SPECC1: variants seen among roughly 807,000 people sequenced by gnomAD.
SPECC1 encodes sperm antigen with calponin homology and coiled-coil domains 1.
In SPECC1, 62 loss-of-function variants were observed where a neutral mutation model predicts 104.1. That is an observed-to-expected ratio of 0.60 (90% confidence interval 0.49 to 0.74). SPECC1 has a LOEUF of 0.74. Among genes scored for constraint, SPECC1 ranks in the 30% least tolerant of loss-of-function variants. SPECC1 has a pLI of 0.00. For synonymous variants in SPECC1, 513 were observed against 501.6 expected (o/e 1.02, Z -0.30); for missense variants, 1,306 against 1,310.5 (o/e 1.00, Z 0.05).
At chr17:20,283,696 C>T (rs930879034) in intron 12 of SPECC1, among the ~76,000 whole-genome samples, 2 of 152,120 alleles carry the variant, frequency 1.3e-5, no homozygotes, top group Non-Finnish European at 2.9e-5. Context: ...AAGCAGTCCT[C>T]CCACCTCAGC....
intron 13 of SPECC1, among the ~76,000 whole-genome samples, chr17:20,299,290 A>G (rs1421054461): frequency 6.6e-6 from 1 of 152,070 alleles, no homozygotes; most frequent in African/African-American, 2.4e-5. Flanking sequence ...GTGGGGGCTC[A>G]TACTTGTAAT....
chr17:20,167,176 TGTA>T (rs2033725021), intron 3 of SPECC1, among the ~76,000 whole-genome samples: 1 of 147,902 alleles, frequency 6.8e-6, no homozygotes, highest in African/African-American at 2.5e-5. Flanking sequence ...ATATAGTGTA[TGTA>T]ATATGTTAGC....
intron 1 of SPECC1, among the ~76,000 whole-genome samples, chr17:20,042,974 T>C (rs72843506): frequency 1.3e-5 from 2 of 152,242 alleles, no homozygotes; most frequent in African/African-American, 4.8e-5. Flanking sequence ...GTATGTCTGC[T>C]CTGTCCCTGG....
Position 20,314,380 on chromosome 17 carries a change from G to A in SPECC1, c.*315G>A. 2.8e-6 allele frequency: 1 copy of A among 356,266 alleles called. No homozygotes were observed. The highest frequency in any genetic ancestry group is 7.9e-4 in the Middle Eastern group (1 of 1,258). The allele number at this position is 356,266 out of a possible 1,614,324, so 22.1% of individuals were successfully genotyped here. Reference sequence around the variant, plus strand: ...CTTGTTTTGCTGATTATATTGGGTGGCTGAACGAACACATTATCTGCAGAA... The same window carrying A: ...CTTGTTTTGCTGATTATATTGGGTGACTGAACGAACACATTATCTGCAGAA... On this transcript the variant is annotated 3_prime_UTR_variant, in exon 15 of 15. Coordinates refer to ENST00000395527, the MANE Select transcript of SPECC1 (RefSeq NM_001243439.2).
chr17:20,194,505 T>TTTTTTA (rs2035890410), intron 3 of SPECC1, among the ~76,000 whole-genome samples: 1 of 48,012 alleles, frequency 2.1e-5, no homozygotes, highest in Non-Finnish European at 4.2e-5. Flanking sequence ...AGAACGAATT[T>TTTTTTA]TTTTTTTTTT....
At chr17:20,042,466 T>A (rs1486448928) in intron 1 of SPECC1, among the ~76,000 whole-genome samples, 1 of 152,184 alleles carries the variant, frequency 6.6e-6, no homozygotes, top group Non-Finnish European at 1.5e-5. Flanking sequence ...TCATCACTCC[T>A]GGGTGGGAGT....
intron 1 of SPECC1, among the ~76,000 whole-genome samples, chr17:20,072,898 T>G (rs2046613050): frequency 6.6e-6 from 1 of 152,178 alleles, no homozygotes; most frequent in East Asian, 1.9e-4. Context: ...TTCACAACAT[T>G]TCTTCGGTGT....
intron 3 of SPECC1, among the ~76,000 whole-genome samples, chr17:20,166,439 G>A (rs1418307228): frequency 6.6e-6 from 1 of 152,104 alleles, no homozygotes; most frequent in African/African-American, 2.4e-5. Context: ...AATAATGAAA[G>A]TTGACATTTT....
At chr17:20,311,109 T>G (rs1028455545) in intron 14 of SPECC1, among the ~76,000 whole-genome samples, 12 of 151,808 alleles carry the variant, frequency 7.9e-5, no homozygotes, top group African/African-American at 1.9e-4. Flanking sequence ...GGGTTTTTTT[T>G]TTTTTTTTTT....
intron 3 of SPECC1, among the ~76,000 whole-genome samples, chr17:20,136,680 A>G (rs997405909): frequency 1.3e-5 from 2 of 152,178 alleles, no homozygotes. Context: ...ACCTTTCTGT[A>G]TGCAAATAGT....
chr17:20,312,176 T>A (rs1294861931), intron 14 of SPECC1, among the ~76,000 whole-genome samples: 11 of 152,232 alleles, frequency 7.2e-5, no homozygotes, highest in Non-Finnish European at 1.6e-4. Flanking sequence ...AGAGATTGTG[T>A]AGAATTGGTA....
chr17:20,297,449 C>T (rs2041391974), intron 13 of SPECC1, among the ~76,000 whole-genome samples: 1 of 152,192 alleles, frequency 6.6e-6, no homozygotes, highest in African/African-American at 2.4e-5. Context: ...TTCAAGAAGT[C>T]CTACATTAAG....
intron 3 of SPECC1, among the ~76,000 whole-genome samples, chr17:20,138,521 C>T (rs533087406): frequency 9.9e-5 from 15 of 152,128 alleles, no homozygotes; most frequent in Non-Finnish European, 2.2e-4. Flanking sequence ...GTGCTCTGCC[C>T]GTTCATCCCT....
chr17:20,024,780 T>C (rs2044535783), intron 1 of SPECC1, among the ~76,000 whole-genome samples: 1 of 152,088 alleles, frequency 6.6e-6, no homozygotes. Flanking sequence ...TAATAGCCCC[T>C]CCTTTATCCT....
chr17:20,071,584 C>T (rs915593397), intron 1 of SPECC1, among the ~76,000 whole-genome samples: 10 of 152,030 alleles, frequency 6.6e-5, no homozygotes, highest in Non-Finnish European at 1.2e-4. Context: ...AATGAATATC[C>T]GTTGGGAGAG....
intron 12 of SPECC1, among the ~76,000 whole-genome samples, chr17:20,267,349 A>T (rs1048593849): frequency 3.9e-5 from 6 of 152,156 alleles, no homozygotes; most frequent in Admixed American, 3.9e-4. Context: ...TTAAGCTCCT[A>T]GTTTTCTGTT....
Position 20,260,259 on chromosome 17 carries a change from C to T in SPECC1, c.2905C>T (p.Leu969=). The T allele has an allele frequency of 6.2e-7, 1 of 1,614,078 alleles. No homozygotes were observed. Among genetic ancestry groups the T allele is most frequent in the Non-Finnish European group, 8.5e-7 (1 of 1,179,946 alleles). The change falls in exon 12 of 15, where the codon CTG becomes TTG. Residue 969 remains leucine (L), a synonymous_variant. Transcript: ENST00000395527. ...EYGGSKRNAL[L]KWCQKKTQGY... ...CGGTGGTTCCAAGCGCAATGCTCTA[C>T]TGAAATGGTGCCAGAAGAAGACACA...
At chr17:20,156,935 C>T (rs938784589) in intron 3 of SPECC1, among the ~76,000 whole-genome samples, 1 of 152,076 alleles carries the variant, frequency 6.6e-6, no homozygotes, top group African/African-American at 2.4e-5. Context: ...TGAAAAATGG[C>T]ATCTTGGCTG....
chr17:20,167,223 T>TAA (rs1345841023), intron 3 of SPECC1, among the ~76,000 whole-genome samples: 1 of 148,430 alleles, frequency 6.7e-6, no homozygotes, highest in Non-Finnish European at 1.5e-5. Flanking sequence ...ACTATATATA[T>TAA]AATGTATATA....
Sources: gnomAD v4.1 joint callset for allele counts (sites outside exome capture counted in the v4.1 genomes callset) on GRCh38, gnomAD v4.1.1 for gene constraint, MANE v1.5 for transcripts, NCBI Gene and HGNC (gene_info 2026-07-23, HGNC 2026-07-21) for gene names.